SSH1: variants seen among roughly 807,000 people sequenced by gnomAD.
SSH1 encodes the protein slingshot protein phosphatase 1.
Under a neutral mutation model 79.7 loss-of-function variants are expected in SSH1, and 43 were observed. The observed-to-expected ratio is 0.54, with a 90% CI of 0.42 to 0.70. The LOEUF (loss-of-function observed/expected upper bound fraction) is 0.70, where lower values mean the gene tolerates loss of function less well. Among genes scored for constraint, SSH1 ranks in the 30% least tolerant of loss-of-function variants. The pLI is 0.00. For synonymous variants in SSH1, 599 were observed against 538.3 expected (o/e 1.11, Z -1.56); for missense variants, 1,206 against 1,358.8 (o/e 0.89, Z 1.77).
intron 2 of SSH1, chr12:108,827,633 G>A: frequency 9.0e-7 from 1 of 1,115,312 alleles, no homozygotes; most frequent in South Asian, 4.5e-5. Context: ...CACTCCTACG[G>A]GCTTTTCTGT....
chr12:108,841,908 C>A (rs971947262), intron 2 of SSH1, among the ~76,000 whole-genome samples: 2 of 151,854 alleles, frequency 1.3e-5, no homozygotes, highest in Non-Finnish European at 2.9e-5. Context: ...CTTTGGGAGG[C>A]CGATGTGGGC....
intron 10 of SSH1, among the ~76,000 whole-genome samples, chr12:108,802,833 T>C (rs1383405175): frequency 6.6e-6 from 1 of 152,150 alleles, no homozygotes; most frequent in Non-Finnish European, 1.5e-5. Flanking sequence ...ACCCAGTAAT[T>C]CCACTTACAA....
At chr12:108,819,644 C>T (rs1030376673) in intron 3 of SSH1, among the ~76,000 whole-genome samples, 1 of 152,112 alleles carries the variant, frequency 6.6e-6, no homozygotes, top group African/African-American at 2.4e-5. Flanking sequence ...GTCTGGGCAA[C>T]ATGGCAAGAC....
chr12:108,852,537 G>T, intron 2 of SSH1, 101 bp downstream of exon 2: 2 of 1,467,892 alleles, frequency 1.4e-6, no homozygotes, highest in Non-Finnish European at 1.9e-6. Flanking sequence ...GCCCAAAATT[G>T]GCATATTCTT....
chr12:108,809,716 C>T lies in SSH1; in HGVS notation c.513G>A (p.Lys171=). ...ACCACATGGCCTGGACAGACACAGG[C>T]TTAAATATGTGCATCCTTCCTGCTG... is the stretch of plus-strand genomic sequence containing the variant. ...VSTAGRMHIF[K]PVSVQAMWSA... The change falls in exon 7 of 15, where the codon AAG becomes AAA. Residue 171 remains lysine, a synonymous_variant. Transcript: ENST00000326495. 6.2e-7 allele frequency: 1 copy of T among 1,614,006 alleles called. No individual in the cohort carries two copies. The highest frequency in any genetic ancestry group is 8.5e-7 in the Non-Finnish European group (1 of 1,179,944).
At chr12:108,804,478 G>A (rs1309364420) in intron 10 of SSH1, among the ~76,000 whole-genome samples, 2 of 152,210 alleles carry the variant, frequency 1.3e-5, no homozygotes, top group South Asian at 2.1e-4. Context: ...TGAGCTAGCC[G>A]TGGAGGTGCA....
rs2036150976 is a variant in SSH1, at chr12:108,782,041, G to A, written c.*5947C>T. 2 of 151,038 alleles carry A rather than the reference G, an allele frequency of 1.3e-5. No individual in the cohort carries two copies. Among genetic ancestry groups the A allele is most frequent in the Admixed American group, 6.6e-5 (1 of 15,078 alleles). The allele number at this position is 151,038 out of a possible 1,614,324, so 9.4% of individuals were successfully genotyped here. A position where few individuals can be genotyped will look rare whatever the true frequency, so the allele number is the denominator to read the frequency against. On this transcript the variant is annotated 3_prime_UTR_variant, in exon 15 of 15. Coordinates refer to ENST00000326495, the MANE Select transcript of SSH1 (RefSeq NM_018984.4). Reference sequence around the variant, plus strand: ...GAGGTGGGAGGATTGCTTGAGGCAGGAGGATCACTTTAGCCTAGGAAGTCG... The same window carrying A: ...GAGGTGGGAGGATTGCTTGAGGCAGAAGGATCACTTTAGCCTAGGAAGTCG...
intron 5 of SSH1, among the ~76,000 whole-genome samples, chr12:108,816,187 G>T (rs1468914524): frequency 2.6e-5 from 4 of 152,082 alleles, no homozygotes; most frequent in Admixed American, 2.0e-4. Flanking sequence ...AGCACCTCTC[G>T]GTCACTCTCT....
intron 2 of SSH1, among the ~76,000 whole-genome samples, chr12:108,852,039 C>A (rs1026794407): frequency 6.6e-6 from 1 of 151,904 alleles, no homozygotes; most frequent in East Asian, 1.9e-4. Context: ...AAGACCTTGT[C>A]TCTATTAGAA....
rs956730539 is a variant in SSH1, at chr12:108,792,293, C to A, written c.1886G>T (p.Gly629Val). 3 of 1,614,020 alleles carry A rather than the reference C, an allele frequency of 1.9e-6. No individual in the cohort carries two copies. The African/African-American group carries it at 4.0e-5, about 22-fold the overall frequency. ...NNNSKRSCPN[G>V]MEDDAIFGIL... ...AGGCCGGGCTCTGCCTACCTCCATG[C>A]CGTTGGGACAGCTCCTCTTGCTGTT... The change falls in exon 14 of 15, where the codon GGC becomes GTC. Residue 629 changes from glycine to valine, a missense_variant. Gly to Val is a moderately radical substitution (Grantham distance 109, BLOSUM62 -3). This residue lies in a region of SSH1 where 709 missense variants were observed against 730.6 expected (regional missense o/e 0.97). Coordinates refer to ENST00000326495, the MANE Select transcript of SSH1 (RefSeq NM_018984.4).
intron 3 of SSH1, among the ~76,000 whole-genome samples, 198 bp downstream of exon 3, chr12:108,823,060 G>A (rs2038183049): frequency 6.6e-6 from 1 of 152,222 alleles, no homozygotes; most frequent in South Asian, 2.1e-4. Flanking sequence ...GACGCAGACA[G>A]ACATGACATA....
chr12:108,799,160 C>G lies in SSH1; in HGVS notation c.1189G>C (p.Val397Leu). 6.2e-7 allele frequency: 1 copy of G among 1,614,138 alleles called. No individual in the cohort carries two copies. The highest frequency in any genetic ancestry group is 8.5e-7 in the Non-Finnish European group (1 of 1,180,020). The part of the protein sequence containing the change: ...SKCLVHCKMG[V>L]SRSASTVIAY... The stretch of plus-strand genomic sequence containing the variant: ...ATGACTGTGGAGGCCGAGCGACTCA[C>G]GCCCATTTTGCAATGCACCAGGCAC... The change falls in exon 13 of 15, where the codon GTG becomes CTG. Residue 397 changes from valine to leucine, a missense_variant. Physicochemically the swap from Val to Leu is conservative, Grantham distance 32 (BLOSUM62 1). Transcript: ENST00000326495.
In SSH1 at chr12:108,853,550, G is replaced by C. The variant is rs148942528; in HGVS notation, c.70-872C>G. 6.0e-3 allele frequency among the ~76,000 whole-genome samples: 912 copies of C among 152,104 alleles called. 6 individuals carry two copies. Among genetic ancestry groups the C allele is most frequent in the Non-Finnish European group, 9.3e-3 (629 of 67,982 alleles). ...AAATGAGGCAGGAGCCAAGGGCGAA[G>C]GAAAAAGGGTCCAGAGATAATGTAG... is the stretch of plus-strand genomic sequence containing the variant. On this transcript the variant is annotated intron_variant, in intron 1 of 14. Transcript: ENST00000326495.
At chr12:108,819,624 T>C (rs2038040361) in intron 3 of SSH1, among the ~76,000 whole-genome samples, 1 of 152,138 alleles carries the variant, frequency 6.6e-6, no homozygotes, top group Non-Finnish European at 1.5e-5. Context: ...AGGCCAGGCA[T>C]TCAAGACCAG....
At chr12:108,845,428 C>T (rs1013815073) in intron 2 of SSH1, among the ~76,000 whole-genome samples, 1 of 152,104 alleles carries the variant, frequency 6.6e-6, no homozygotes, top group African/African-American at 2.4e-5. Context: ...TGGCTCATGC[C>T]TGTAATCCCA....
At chr12:108,799,248 G>A (rs1417584444) in intron 12 of SSH1, 48 bp from the exon 13 acceptor site, 1 of 1,512,018 alleles carries the variant, frequency 6.6e-7, no homozygotes, top group Admixed American at 1.9e-5. Flanking sequence ...GAGAAGCAGT[G>A]GGGAAGGAGT....
intron 14 of SSH1, among the ~76,000 whole-genome samples, 172 bp from the exon 15 acceptor site, chr12:108,789,416 C>G (rs1387306318): frequency 6.6e-6 from 1 of 152,074 alleles, no homozygotes; most frequent in African/African-American, 2.4e-5. Flanking sequence ...CCCACTTGAT[C>G]GAGAATAACC....
rs1239201646 is a variant in SSH1, at chr12:108,857,402, C to T, written c.69+26G>A. ...TCGGCGCGGCGTCCGGCGGCCCAGG[C>T]CGGGCGCGGCGAGCCCGGGGCTCAC... On this transcript the variant is annotated intron_variant, in intron 1 of 14. Coordinates refer to ENST00000326495, the MANE Select transcript of SSH1 (RefSeq NM_018984.4). The surrounding 1 kb of genome is among the most constrained non-coding windows in gnomAD (Gnocchi z 4.7). 1 of 1,018,250 alleles carries T rather than the reference C, an allele frequency of 9.8e-7. No individual in the cohort carries two copies. The highest frequency in any genetic ancestry group is 1.1e-4 in the East Asian group (1 of 9,466). The allele number at this position is 1,018,250 out of a possible 1,614,324, so 63.1% of individuals were successfully genotyped here.
At chr12:108,791,740 CAGTG>C (rs1291846216) in intron 14 of SSH1, among the ~76,000 whole-genome samples, 2 of 152,106 alleles carry the variant, frequency 1.3e-5, no homozygotes, top group African/African-American at 4.8e-5. Flanking sequence ...GCATGGGAAA[CAGTG>C]AGAACTTGTC....
Sources: gnomAD v4.1 joint callset for allele counts (sites outside exome capture counted in the v4.1 genomes callset) on GRCh38, gnomAD v4.1.1 for gene constraint, gnomAD v4.1.1 regional missense constraint, Gnocchi (gnomAD v3.1) non-coding constraint, MANE v1.5 for transcripts, NCBI Gene and HGNC (gene_info 2026-07-23, HGNC 2026-07-21) for gene names.